TTC7A: variants seen among roughly 807,000 people sequenced by gnomAD.
The protein encoded by TTC7A is tetratricopeptide repeat protein 7A.
TTC7A carries 110 observed loss-of-function variants against 103.7 expected under a neutral mutation model. The ratio of observed to expected loss-of-function variants is 1.06; its 90% CI spans 0.91 to 1.24. The LOEUF (loss-of-function observed/expected upper bound fraction) is 1.24, where lower values mean the gene tolerates loss of function less well. TTC7A is among the 50% of genes most tolerant of loss of function. The pLI, the probability that TTC7A is intolerant of heterozygous loss-of-function variation, is 0.00. For missense variants in TTC7A, 1,340 were observed against 1,116.3 expected (o/e 1.20, Z -2.86); for synonymous variants, 521 against 467.9 (o/e 1.11, Z -1.47).
At chr2:46,934,029 G>T (rs1669843358) in intron 2 of TTC7A, among the ~76,000 whole-genome samples, 1 of 152,140 alleles carries the variant, frequency 6.6e-6, no homozygotes, top group African/African-American at 2.4e-5. Flanking sequence ...CAGCCATTGT[G>T]ACAACTAGTA....
At chr2:46,950,336 T>G (rs1315511210) in intron 1 of TTC7A, 27 bp from the exon 2 acceptor site, 1 of 1,612,892 alleles carries the variant, frequency 6.2e-7, no homozygotes, top group South Asian at 1.1e-5. Context: ...CGGGGTTTGC[T>G]GCTCTGACCC....
At chr2:46,982,790 C>T (rs1270484099) in intron 5 of TTC7A, among the ~76,000 whole-genome samples, 3 of 151,886 alleles carry the variant, frequency 2.0e-5, no homozygotes, top group Non-Finnish European at 2.9e-5. Context: ...ATAGTGAGAC[C>T]GTCTCTACAA....
upstream of TTC7A, among the ~76,000 whole-genome samples, chr2:46,939,899 A>G (rs1670192355): frequency 6.6e-6 from 1 of 152,224 alleles, no homozygotes; most frequent in Non-Finnish European, 1.5e-5. Context: ...CTGCCAGAGC[A>G]GCTTCAGCTT....
At chr2:47,017,639 A>G (rs1392273779) in intron 11 of TTC7A, among the ~76,000 whole-genome samples, 5 of 152,196 alleles carry the variant, frequency 3.3e-5, no homozygotes, top group Non-Finnish European at 7.3e-5. Flanking sequence ...TGGACCCTGG[A>G]TAGGGGATGG....
At chr2:46,929,312 C>T (rs538065151) in intron 2 of TTC7A, among the ~76,000 whole-genome samples, 1 of 152,226 alleles carries the variant, frequency 6.6e-6, no homozygotes, top group South Asian at 2.1e-4. Context: ...TAGCCAGACC[C>T]CATGTCTATA....
At chr2:47,072,976 A>C (rs1224976575) in intron 19 of TTC7A, among the ~76,000 whole-genome samples, 1 of 152,092 alleles carries the variant, frequency 6.6e-6, no homozygotes, top group Non-Finnish European at 1.5e-5. Flanking sequence ...TGTTTGAGCC[A>C]AACAGCAGGG....
intron 18 of TTC7A, among the ~76,000 whole-genome samples, chr2:47,057,969 G>T (rs1212638441): frequency 6.6e-6 from 1 of 152,114 alleles, no homozygotes; most frequent in Non-Finnish European, 1.5e-5. Flanking sequence ...TCTCCTCCTT[G>T]TGGGGAGACC....
chr2:47,028,353 C>G (rs893212659), intron 14 of TTC7A, among the ~76,000 whole-genome samples: 1 of 152,246 alleles, frequency 6.6e-6, no homozygotes, highest in Non-Finnish European at 1.5e-5. Context: ...GCAAATCACC[C>G]GTGCCCTCTG....
At chr2:46,945,432 T>G (rs778243406) in intron 1 of TTC7A, among the ~76,000 whole-genome samples, 10 of 152,218 alleles carry the variant, frequency 6.6e-5, no homozygotes, top group Non-Finnish European at 1.0e-4. Context: ...TTTGTATTTT[T>G]AGAGACGAGG....
At chr2:47,012,595 C>A (rs1346682174) in intron 11 of TTC7A, among the ~76,000 whole-genome samples, 1 of 152,212 alleles carries the variant, frequency 6.6e-6, no homozygotes, top group Non-Finnish European at 1.5e-5. Context: ...TGCCACTTTC[C>A]CTCCTGTACA....
chr2:46,995,895 G>T (rs1256417727), intron 8 of TTC7A, among the ~76,000 whole-genome samples: 2 of 152,216 alleles, frequency 1.3e-5, no homozygotes, highest in Non-Finnish European at 2.9e-5. Context: ...CAATATGCAG[G>T]ATGTCCACGC....
intron 3 of TTC7A, among the ~76,000 whole-genome samples, chr2:46,971,003 C>A (rs1341271808): frequency 1.3e-5 from 2 of 152,208 alleles, no homozygotes; most frequent in Non-Finnish European, 2.9e-5. Context: ...GGGAATGTGG[C>A]TAAGAAAAAC....
At chr2:46,926,841 A>C (rs1461121823) in intron 2 of TTC7A, among the ~76,000 whole-genome samples, 1 of 152,250 alleles carries the variant, frequency 6.6e-6, no homozygotes, top group Admixed American at 6.5e-5. Flanking sequence ...AGAGGTTGTT[A>C]AACACTGCTT....
At chr2:47,047,221 A>C (rs1339719044) in intron 16 of TTC7A, 1 of 1,126,558 alleles carries the variant, frequency 8.9e-7, no homozygotes, top group African/African-American at 1.6e-5. Flanking sequence ...CATCTCCCTG[A>C]GGCCTCAGGG....
chr2:46,950,327 G>C (rs755520897), intron 1 of TTC7A, 36 bp from the exon 2 acceptor site: 5 of 1,611,260 alleles, frequency 3.1e-6, no homozygotes, highest in Non-Finnish European at 4.2e-6. Flanking sequence ...CGCCTTGTTC[G>C]GGGTTTGCTG....
Position 46,950,356 on chromosome 2 carries a change from T to C in TTC7A, c.185-7T>C. On this transcript the variant is annotated splice_region_variant and splice_polypyrimidine_tract_variant and intron_variant, in intron 1 of 19. Coordinates refer to ENST00000319190, the MANE Select transcript of TTC7A (RefSeq NM_020458.4). Reference sequence around the variant, plus strand: ...TTTGCTGCTCTGACCCCTACTTTGCTTTTCAGATGACTTTGGGAAATTGCT... The same window carrying C: ...TTTGCTGCTCTGACCCCTACTTTGCCTTTCAGATGACTTTGGGAAATTGCT... 1.2e-6 allele frequency: 2 copies of C among 1,613,932 alleles called. No individual in the cohort carries two copies. Among genetic ancestry groups the C allele is most frequent in the Non-Finnish European group, 1.7e-6 (2 of 1,179,976 alleles).
rs1179463344 is a variant in TTC7A at position 46,941,426 on chromosome 2, C to G, written c.-116C>G. The G allele has an allele frequency of 1.7e-6, 2 of 1,150,594 alleles. No homozygotes were observed. Among genetic ancestry groups the G allele is most frequent in the Non-Finnish European group, 2.2e-6 (2 of 905,104 alleles). The allele number at this position is 1,150,594 out of a possible 1,614,324, so 71.3% of individuals were successfully genotyped here. ...CGGGCCCCCGCTGCCGCCCGGGCCC[C>G]GGCTGCCGTCTGCGCCCCCGTCGAC... On this transcript the variant is annotated 5_prime_UTR_variant, in exon 1 of 20. Transcript: ENST00000319190. The surrounding 1 kb of genome is among the most constrained non-coding windows in gnomAD (Gnocchi z 4.2).
chr2:47,054,425 G>A (rs1683147123), intron 18 of TTC7A, among the ~76,000 whole-genome samples: 1 of 152,156 alleles, frequency 6.6e-6, no homozygotes, highest in Admixed American at 6.5e-5. Flanking sequence ...ACATGTCCTG[G>A]AATTGGCACA....
At chr2:47,022,226 C>G (rs1679373051) in intron 12 of TTC7A, among the ~76,000 whole-genome samples, 1 of 152,200 alleles carries the variant, frequency 6.6e-6, no homozygotes, top group Non-Finnish European at 1.5e-5. Flanking sequence ...CCTCTCCCCT[C>G]TTCATGGGCC....
Sources: allele counts gnomAD v4.1 joint callset (sites outside exome capture counted in the v4.1 genomes callset), GRCh38; gene constraint gnomAD v4.1.1; non-coding constraint Gnocchi (gnomAD v3.1); transcripts MANE v1.5; gene names NCBI Gene and HGNC (gene_info 2026-07-23, HGNC 2026-07-21).